The following PPARD variants were observed in gnomAD, a reference collection of about 807,000 sequenced individuals.
PPARD encodes peroxisome proliferator-activated receptor delta.
PPARD carries 6 observed loss-of-function variants against 39.5 expected under a neutral mutation model. That is an observed-to-expected ratio of 0.15 (90% confidence interval 0.08 to 0.30). The LOEUF (loss-of-function observed/expected upper bound fraction) is 0.30. PPARD is among the 10% of genes least tolerant of loss of function. PPARD has a pLI of 1.00. For synonymous variants in PPARD, 210 were observed against 231.3 expected (o/e 0.91, Z 0.83); for missense variants, 397 against 596.8 (o/e 0.67, Z 3.49).
At chr6:35,347,174 G>A in intron 2 of PPARD, 24 bp downstream of exon 2, 1 of 1,535,822 alleles carries the variant, frequency 6.5e-7, no homozygotes, top group Non-Finnish European at 8.7e-7. Flanking sequence ...CTTTACTCAG[G>A]GGTCTCTGAC....
chr6:35,396,292 C>T (rs1166650925), intron 2 of PPARD, among the ~76,000 whole-genome samples: 1 of 151,650 alleles, frequency 6.6e-6, no homozygotes, highest in Non-Finnish European at 1.5e-5. Context: ...GCAAGCTCCA[C>T]CTCCCAGGTT....
intron 2 of PPARD, among the ~76,000 whole-genome samples, chr6:35,378,047 A>G (rs983663843): frequency 7.9e-5 from 12 of 151,708 alleles, no homozygotes; most frequent in Non-Finnish European, 1.6e-4. Flanking sequence ...TATTTTTAGT[A>G]GAGACGGGGT....
chr6:35,416,406 A>AC (rs1765774234), intron 3 of PPARD, among the ~76,000 whole-genome samples: 1 of 104,620 alleles, frequency 9.6e-6, no homozygotes, highest in African/African-American at 3.4e-5. Context: ...AAAAAAAAAA[A>AC]AAAACACCTT....
At chr6:35,393,401 C>T (rs150229730) in intron 2 of PPARD, among the ~76,000 whole-genome samples, 1 of 152,274 alleles carries the variant, frequency 6.6e-6, no homozygotes, top group Non-Finnish European at 1.5e-5. Context: ...GGCTGAGATC[C>T]AGACTGGTTA....
intron 1 of PPARD, among the ~76,000 whole-genome samples, chr6:35,344,737 G>A (rs1017967116): frequency 3.9e-5 from 6 of 152,054 alleles, no homozygotes; most frequent in Non-Finnish European, 5.9e-5. Context: ...TAGGAGCTGC[G>A]GTGGAGAGCC....
intron 2 of PPARD, among the ~76,000 whole-genome samples, chr6:35,382,982 G>T: frequency 6.6e-6 from 1 of 152,324 alleles, no homozygotes; most frequent in South Asian, 2.1e-4. Flanking sequence ...GACTGCACCC[G>T]TATCAGAGTG....
chr6:35,354,799 C>T (rs746936387), intron 2 of PPARD, among the ~76,000 whole-genome samples: 1 of 152,172 alleles, frequency 6.6e-6, no homozygotes, highest in Non-Finnish European at 1.5e-5. Context: ...TGACTTGTGA[C>T]GTTTTCAACA....
At chr6:35,347,298 A>G in intron 2 of PPARD, 148 bp downstream of exon 2, 13 of 912,898 alleles carry the variant, frequency 1.4e-5, no homozygotes, top group Non-Finnish European at 1.8e-5. Context: ...CCAGTTGCTT[A>G]TGCATAGTAT....
chr6:35,346,407 C>T (rs1008452282), intron 1 of PPARD, among the ~76,000 whole-genome samples: 2 of 152,222 alleles, frequency 1.3e-5, no homozygotes. Context: ...CAGGCCCTTG[C>T]TTATATGATG....
chr6:35,362,446 CTT>C (rs34916659), intron 2 of PPARD, among the ~76,000 whole-genome samples: 1 of 144,842 alleles, frequency 6.9e-6, no homozygotes. Context: ...CCACTCCTGC[CTT>C]TTTTTTTTTT....
intron 2 of PPARD, among the ~76,000 whole-genome samples, chr6:35,404,951 CTTTGTGTG>C (rs1483192155): frequency 4.9e-5 from 5 of 102,970 alleles, no homozygotes; most frequent in African/African-American, 2.1e-4. Flanking sequence ...GCACTGCAGG[CTTTGTGTG>C]TGTGTGTGTG....
intron 2 of PPARD, among the ~76,000 whole-genome samples, chr6:35,394,782 C>T (rs375810382): frequency 2.0e-5 from 3 of 146,414 alleles, no homozygotes; most frequent in Admixed American, 2.0e-4. Flanking sequence ...CCGCCCCCCC[C>T]ACCAAAAAAA....
At chr6:35,406,847 C>A (rs553449041) in intron 2 of PPARD, among the ~76,000 whole-genome samples, 1 of 152,182 alleles carries the variant, frequency 6.6e-6, no homozygotes, top group Non-Finnish European at 1.5e-5. Flanking sequence ...GTAACACGGC[C>A]CAGTGCACAC....
intron 1 of PPARD, among the ~76,000 whole-genome samples, chr6:35,344,595 C>A (rs532783716): frequency 4.6e-5 from 7 of 152,204 alleles, no homozygotes; most frequent in African/African-American, 1.7e-4. Flanking sequence ...TTGGAGGATT[C>A]TGAAAGCGTG....
intron 2 of PPARD, among the ~76,000 whole-genome samples, chr6:35,380,458 TGTTTTTTTTTTTTGTTTG>T (rs1763067861): frequency 1.7e-4 from 2 of 11,456 alleles, no homozygotes; most frequent in African/African-American, 5.5e-4. Context: ...ATTAACCTCG[TGTTTTTTTTTTTTGTTTG>T]TTTTTTTTTT....
rs1766388964 is a variant in PPARD, at chr6:35,423,939, T to C, written c.425-7T>C. 1 of 1,613,780 alleles carries C rather than the reference T, an allele frequency of 6.2e-7. No individual in the cohort carries two copies. The highest frequency in any genetic ancestry group is 1.7e-5 in the Admixed American group (1 of 60,022). ...GCTCCTTGCTGACTGCCCCCTTCCC[T>C]GTGCAGCTATCCGTTTTGGTCGGAT... On this transcript the variant is annotated splice_region_variant and splice_polypyrimidine_tract_variant and intron_variant, in intron 5 of 7. Transcript: ENST00000360694.
intron 2 of PPARD, among the ~76,000 whole-genome samples, chr6:35,379,931 G>A (rs144393646): frequency 4.2e-4 from 64 of 152,302 alleles, no homozygotes; most frequent in African/African-American, 1.3e-3. Flanking sequence ...TCTTCTAGGG[G>A]CACGTCATCA....
Position 35,378,754 on chromosome 6 carries a change from T to A in PPARD, c.-102+31604T>A, listed in dbSNP as rs1762961268. ...TCAGTACCTGGCATTTAGAGCTGTG[T>A]CACCCATCACTTCTGACCTCGTTAA... On this transcript the variant is annotated intron_variant, in intron 2 of 7. Coordinates refer to ENST00000360694, the MANE Select transcript of PPARD (RefSeq NM_006238.5). Among the ~76,000 whole-genome samples, 3 of 152,266 alleles carry A rather than the reference T, an allele frequency of 2.0e-5. No individual in the cohort carries two copies. The South Asian group carries it at 6.2e-4, about 32-fold the overall frequency.
rs551946022 is a variant in PPARD, at chr6:35,365,130, CTTTT to C, written c.-102+17997_-102+18000del. Among the ~76,000 whole-genome samples the C allele has an allele frequency of 1.7e-3, 204 of 121,070 alleles. 1 individual carries two copies. Among genetic ancestry groups the C allele is most frequent in the African/African-American group, 6.2e-3 (181 of 29,084 alleles). 79.4% of individuals were successfully genotyped at this position (121,070 alleles called of 152,430 possible). ...ACCAGACATGTAGAGCTTCCTTATT[CTTTT>C]TTTTTTTTTTTTTTTTGAGATGGAG... On this transcript the variant is annotated intron_variant, in intron 2 of 7. Coordinates refer to ENST00000360694, the MANE Select transcript of PPARD (RefSeq NM_006238.5).
Sources: allele counts gnomAD v4.1 joint callset (sites outside exome capture counted in the v4.1 genomes callset), GRCh38; gene constraint gnomAD v4.1.1; transcripts MANE v1.5; gene names NCBI Gene and HGNC (gene_info 2026-07-23, HGNC 2026-07-21).